The following ABL2 variants were observed in gnomAD, a reference collection of about 807,000 sequenced individuals.
The protein encoded by ABL2 is ABL proto-oncogene 2, non-receptor tyrosine kinase.
A neutral mutation model predicts 107.7 loss-of-function variants in ABL2; 49 were observed. That is an observed-to-expected ratio of 0.45 (90% CI 0.36 to 0.58). The LOEUF is 0.58. Among genes scored for constraint, ABL2 ranks in the 20% least tolerant of loss-of-function variants. The probability of loss-of-function intolerance (pLI) is 0.00; values close to 1 mark genes in which losing one functional copy is unlikely to be tolerated. For synonymous variants in ABL2, 549 were observed against 548.6 expected (o/e 1.00, Z -0.01); for missense variants, 1,245 against 1,457.0 (o/e 0.85, Z 2.37).
chr1:179,185,323 C>T (rs184523321), intron 1 of ABL2, among the ~76,000 whole-genome samples: 1 of 152,124 alleles, frequency 6.6e-6, no homozygotes, highest in Admixed American at 6.6e-5. Flanking sequence ...TAAGGTAATA[C>T]TTTTAAAATA....
chr1:179,215,845 G>A (rs1662535258), intron 1 of ABL2, among the ~76,000 whole-genome samples: 1 of 151,914 alleles, frequency 6.6e-6, no homozygotes, highest in African/African-American at 2.4e-5. Context: ...TTTTTTTAAT[G>A]TTTTCTTAGC....
intron 8 of ABL2, among the ~76,000 whole-genome samples, 197 bp from the exon 9 acceptor site, chr1:179,115,227 ATCT>A (rs1202311305): frequency 6.6e-6 from 1 of 152,238 alleles, no homozygotes; most frequent in African/African-American, 2.4e-5. Flanking sequence ...GCTGCAGATA[ATCT>A]CAAGACAGTT....
intron 2 of ABL2, among the ~76,000 whole-genome samples, chr1:179,132,448 ACAAAGG>A (rs1228332822): frequency 6.6e-6 from 1 of 152,198 alleles, no homozygotes; most frequent in Non-Finnish European, 1.5e-5. Context: ...GTGCCTGTCT[ACAAAGG>A]CAAACTATCC....
At chr1:179,205,142 T>A (rs898500390) in intron 1 of ABL2, among the ~76,000 whole-genome samples, 14 of 151,580 alleles carry the variant, frequency 9.2e-5, no homozygotes, top group Non-Finnish European at 2.1e-4. Flanking sequence ...TTCTCCTGCC[T>A]CAGCCTCCTG....
chr1:179,141,623 T>C (rs545783034), intron 1 of ABL2, among the ~76,000 whole-genome samples: 3 of 152,222 alleles, frequency 2.0e-5, no homozygotes, highest in Non-Finnish European at 4.4e-5. Flanking sequence ...ATCCTTCTTA[T>C]TCCCCATTCC....
intron 1 of ABL2, among the ~76,000 whole-genome samples, chr1:179,204,130 A>G (rs1661825154): frequency 6.6e-6 from 1 of 152,048 alleles, no homozygotes; most frequent in South Asian, 2.1e-4. Context: ...AGGTTCAAGC[A>G]ATTCCCCTAC....
Position 179,195,463 on chromosome 1 carries a change from G to A in ABL2, c.157+33778C>T, listed in dbSNP as rs530432823. ...AATGGTAAAGCCACTATGGAAGACA[G>A]TATGGTGGTTCCTCAGAAAAATTAA... On this transcript the variant is annotated intron_variant, in intron 1 of 11. Transcript: ENST00000502732. 6.6e-5 allele frequency among the ~76,000 whole-genome samples: 10 copies of A among 152,270 alleles called. No individual in the cohort carries two copies. The East Asian group carries it at 1.9e-3, about 29-fold the overall frequency.
chr1:179,124,464 C>CTTTTTTCTTTTT (rs1655541754), intron 4 of ABL2, among the ~76,000 whole-genome samples: 1 of 83,348 alleles, frequency 1.2e-5, no homozygotes, highest in African/African-American at 5.3e-5. Flanking sequence ...TTAGCTTCTG[C>CTTTTTTCTTTTT]TTTTTTTTTT....
intron 1 of ABL2, among the ~76,000 whole-genome samples, chr1:179,204,944 G>A (rs1266205696): frequency 1.3e-5 from 2 of 151,708 alleles, no homozygotes; most frequent in Admixed American, 6.6e-5. Flanking sequence ...TGTCTCCAAC[G>A]AAGGGGCTCA....
chr1:179,108,845 A>T lies in ABL2; in HGVS notation c.2422T>A (p.Ser808Thr), dbSNP rs2102577999. Residue 808 changes from serine (S) to threonine (T), a missense_variant, in exon 12 of 12, where the codon TCC becomes ACC. Around this residue, in one of 3 missense-constraint regions of ABL2, gnomAD observed 761 missense variants for 766.4 expected, o/e 0.99. Coordinates refer to ENST00000502732, the MANE Select transcript of ABL2 (RefSeq NM_007314.4). ...AMTLPRNCQR[S>T]KLQLERTVST... The stretch of plus-strand genomic sequence containing the variant: ...ACTGTCCTTTCCAGCTGGAGTTTGG[A>T]CCTCTGGCAGTTCCTGGGAAGGGTC... The T allele has an allele frequency of 6.2e-7, 1 of 1,613,118 alleles. No individual in the cohort carries two copies. Among genetic ancestry groups the T allele is most frequent in the South Asian group, 1.1e-5 (1 of 91,004 alleles).
intron 1 of ABL2, among the ~76,000 whole-genome samples, chr1:179,185,670 G>GT (rs139803963): frequency 0.094 from 14,361 of 152,104 alleles, 715 homozygotes; most frequent in African/African-American, 0.12. Flanking sequence ...AAGTATGTAA[G>GT]TTTGAGTTAA....
chr1:179,164,632 C>T (rs1659274665), intron 1 of ABL2, among the ~76,000 whole-genome samples: 1 of 152,190 alleles, frequency 6.6e-6, no homozygotes, highest in Non-Finnish European at 1.5e-5. Context: ...AAGTTCAGAG[C>T]TGACATTCCT....
At chr1:179,219,210 G>A (rs552895838) in intron 1 of ABL2, among the ~76,000 whole-genome samples, 2 of 152,232 alleles carry the variant, frequency 1.3e-5, no homozygotes, top group South Asian at 2.1e-4. Flanking sequence ...GCCTGGCTAG[G>A]TTTTCTATTT....
At chr1:179,189,514 C>T (rs1368811067) in intron 1 of ABL2, among the ~76,000 whole-genome samples, 1 of 152,182 alleles carries the variant, frequency 6.6e-6, no homozygotes, top group Non-Finnish European at 1.5e-5. Flanking sequence ...ATGTTCCCTA[C>T]TCTTGTATCA....
At chr1:179,124,679 G>A (rs966893234) in intron 4 of ABL2, among the ~76,000 whole-genome samples, 8 of 151,722 alleles carry the variant, frequency 5.3e-5, no homozygotes, top group East Asian at 1.9e-4. Context: ...ATGTTTGTGG[G>A]GCTGACATCC....
At chr1:179,131,945 A>G (rs1041087500) in intron 2 of ABL2, among the ~76,000 whole-genome samples, 1 of 152,242 alleles carries the variant, frequency 6.6e-6, no homozygotes, top group Admixed American at 6.5e-5. Context: ...CAGAAAACAA[A>G]CTGTAGAAAA....
rs28914494 is a variant in ABL2 at position 179,158,771 on chromosome 1, TAAG to T, written c.158-25400_158-25398del. Among the ~76,000 whole-genome samples the T allele has an allele frequency of 1.1e-3, 163 of 152,304 alleles. 1 individual carries two copies. The highest frequency in any genetic ancestry group is 6.8e-3 in the Middle Eastern group (2 of 294). ...TAGCAAACCAAATCTAGCAGGATAA[TAAG>T]ATTATTTTACTATACCAACTATGAT... is the stretch of plus-strand genomic sequence containing the variant. On this transcript the variant is annotated intron_variant, in intron 1 of 11. Coordinates refer to ENST00000502732, the MANE Select transcript of ABL2 (RefSeq NM_007314.4).
Position 179,107,235 on chromosome 1 carries a change from TC to T in ABL2, c.*482del. On this transcript the variant is annotated 3_prime_UTR_variant, in exon 12 of 12. Coordinates refer to ENST00000502732, the MANE Select transcript of ABL2 (RefSeq NM_007314.4). ...TGTGGAAGCAAGGCTAACAGCTACT[TC>T]CAACAGCCCTGAACAAAAATTTCTC... 4.2e-6 allele frequency: 1 copy of T among 235,492 alleles called. No homozygotes were observed. Among genetic ancestry groups the T allele is most frequent in the Non-Finnish European group, 8.4e-6 (1 of 119,346 alleles). 14.6% of individuals were successfully genotyped at this position (235,492 alleles called of 1,614,324 possible).
chr1:179,165,317 C>T (rs1004953796), intron 1 of ABL2, among the ~76,000 whole-genome samples: 4 of 152,148 alleles, frequency 2.6e-5, no homozygotes, highest in Admixed American at 1.3e-4. Flanking sequence ...TTTAAAGGCA[C>T]TAGCAAGTCA....
Sources: gnomAD v4.1 joint callset for allele counts (sites outside exome capture counted in the v4.1 genomes callset) on GRCh38, gnomAD v4.1.1 for gene constraint, gnomAD v4.1.1 regional missense constraint, MANE v1.5 for transcripts, NCBI Gene and HGNC (gene_info 2026-07-23, HGNC 2026-07-21) for gene names.